The following EVI5 variants were observed in gnomAD, a reference collection of about 807,000 sequenced individuals.
EVI5 encodes ecotropic viral integration site 5.
A neutral mutation model predicts 112.0 loss-of-function variants in EVI5; 73 were observed. The observed-to-expected ratio is 0.65, with a 90% CI of 0.54 to 0.79. The LOEUF is 0.79. Among genes scored for constraint, EVI5 ranks in the 30% least tolerant of loss-of-function variants. The pLI is 0.00. For missense variants in EVI5, 900 were observed against 968.8 expected (o/e 0.93, Z 0.94); for synonymous variants, 305 against 319.9 (o/e 0.95, Z 0.50).
chr1:92,678,094 G>A (rs748935717), intron 9 of EVI5, among the ~76,000 whole-genome samples: 5 of 152,066 alleles, frequency 3.3e-5, no homozygotes, highest in South Asian at 2.1e-4. Flanking sequence ...AAAACTAACC[G>A]TTGGGTACTA....
intron 1 of EVI5, among the ~76,000 whole-genome samples, chr1:92,766,096 A>AAAT (rs71091300): frequency 0.076 from 10,705 of 140,836 alleles, 464 homozygotes; most frequent in African/African-American, 0.089. Context: ...AGACCCTGCA[A>AAAT]AATAATAATA....
intron 2 of EVI5, among the ~76,000 whole-genome samples, chr1:92,728,028 T>C (rs1325229279): frequency 1.7e-5 from 2 of 117,982 alleles, no homozygotes; most frequent in African/African-American, 6.3e-5. Context: ...CAAAAAAAAA[T>C]AGAATACAAG....
chr1:92,625,398 C>T (rs1655450738), intron 15 of EVI5, among the ~76,000 whole-genome samples: 1 of 152,088 alleles, frequency 6.6e-6, no homozygotes, highest in African/African-American at 2.4e-5. Context: ...GGTGAGGTAA[C>T]TAAGTTACTA....
intron 11 of EVI5, among the ~76,000 whole-genome samples, chr1:92,664,201 AAAGC>A (rs1318740897): frequency 1.3e-5 from 2 of 152,240 alleles, no homozygotes; most frequent in Non-Finnish European, 2.9e-5. Context: ...TCAAAGAAAC[AAAGC>A]AAGGAAAATA....
chr1:92,576,935 G>T (rs1268434130), intron 18 of EVI5, among the ~76,000 whole-genome samples: 1 of 152,220 alleles, frequency 6.6e-6, no homozygotes, highest in South Asian at 2.1e-4. Context: ...CAGAAACCTG[G>T]AATTCCCTTT....
chr1:92,659,442 T>C (rs950258832), intron 13 of EVI5, among the ~76,000 whole-genome samples: 2 of 151,868 alleles, frequency 1.3e-5, no homozygotes, highest in Non-Finnish European at 2.9e-5. Flanking sequence ...GCAAAGGACA[T>C]GAACAGACTT....
intron 14 of EVI5, among the ~76,000 whole-genome samples, chr1:92,631,666 CTT>C (rs937855451): frequency 1.3e-5 from 2 of 152,140 alleles, no homozygotes; most frequent in Admixed American, 6.6e-5. Context: ...ATGGAATACC[CTT>C]TATTTCCTTC....
intron 16 of EVI5, among the ~76,000 whole-genome samples, chr1:92,608,238 T>C (rs1229134198): frequency 6.6e-6 from 1 of 152,148 alleles, no homozygotes. Context: ...AGACTCTCAA[T>C]ATAGCTCAAT....
chr1:92,771,371 C>T (rs1016795006), intron 1 of EVI5, among the ~76,000 whole-genome samples: 6 of 152,000 alleles, frequency 3.9e-5, no homozygotes, highest in African/African-American at 1.2e-4. Context: ...TTACTACTTA[C>T]AAACAAAATG....
chr1:92,675,265 G>A (rs1433315462), intron 10 of EVI5, among the ~76,000 whole-genome samples: 1 of 152,160 alleles, frequency 6.6e-6, no homozygotes, highest in Non-Finnish European at 1.5e-5. Flanking sequence ...GATCGCTTGA[G>A]CGCGGGAGGT....
chr1:92,602,263 G>A (rs1399298569), intron 18 of EVI5, among the ~76,000 whole-genome samples: 1 of 152,082 alleles, frequency 6.6e-6, no homozygotes, highest in Non-Finnish European at 1.5e-5. Flanking sequence ...GTGACTTGGA[G>A]TACAATATAA....
intron 4 of EVI5, 132 bp downstream of exon 4, chr1:92,703,263 G>T: frequency 5.0e-6 from 3 of 602,562 alleles, no homozygotes; most frequent in South Asian, 4.3e-5. Context: ...AGGCAAAAAT[G>T]ATGCTAAAAC....
At chr1:92,620,137 A>G (rs535689635) in intron 16 of EVI5, among the ~76,000 whole-genome samples, 46 of 152,236 alleles carry the variant, frequency 3.0e-4, no homozygotes. Context: ...CTGAAGTCGG[A>G]AGTTTGAGAA....
intron 19 of EVI5, among the ~76,000 whole-genome samples, chr1:92,529,081 C>T (rs1389630385): frequency 6.6e-6 from 1 of 152,078 alleles, no homozygotes; most frequent in African/African-American, 2.4e-5. Context: ...TATTTAGATC[C>T]CACTGTTTTT....
At chr1:92,613,218 G>A (rs1652281819) in intron 16 of EVI5, among the ~76,000 whole-genome samples, 1 of 152,144 alleles carries the variant, frequency 6.6e-6, no homozygotes, top group African/African-American at 2.4e-5. Flanking sequence ...CATCTGGGGT[G>A]GGCAGGAGCA....
At chr1:92,655,938 A>C (rs1448562375) in intron 13 of EVI5, among the ~76,000 whole-genome samples, 1 of 152,200 alleles carries the variant, frequency 6.6e-6, no homozygotes. Flanking sequence ...ACTCTATCTA[A>C]GAAAAGAGAC....
chr1:92,643,239 CTTAA>C (rs1253761146), intron 13 of EVI5, among the ~76,000 whole-genome samples: 2 of 148,810 alleles, frequency 1.3e-5, no homozygotes, highest in African/African-American at 4.9e-5. Context: ...TACTTATTTA[CTTAA>C]TTTATTTAGT....
intron 5 of EVI5, among the ~76,000 whole-genome samples, chr1:92,698,217 C>G (rs1670613738): frequency 6.6e-6 from 1 of 152,114 alleles, no homozygotes; most frequent in Non-Finnish European, 1.5e-5. Context: ...CTCAACTTGC[C>G]TCATTCATTA....
At chr1:92,761,407 C>CT (rs1382297232) in intron 1 of EVI5, among the ~76,000 whole-genome samples, 1 of 151,952 alleles carries the variant, frequency 6.6e-6, no homozygotes, top group African/African-American at 2.4e-5. Context: ...TATTTGCCTC[C>CT]AAAATAAATA....
Sources: allele counts gnomAD v4.1 joint callset (sites outside exome capture counted in the v4.1 genomes callset), GRCh38; gene constraint gnomAD v4.1.1; transcripts MANE v1.5; gene names NCBI Gene and HGNC (gene_info 2026-07-23, HGNC 2026-07-21).